Variants in SETBP1 observed in about 807,000 individuals in gnomAD.
The protein encoded by SETBP1 is SET binding protein 1, also known as SET-binding protein.
A neutral mutation model predicts 101.0 loss-of-function variants in SETBP1; 9 were observed. The observed-to-expected ratio is 0.09, with a 90% CI of 0.05 to 0.16. The LOEUF is 0.16. SETBP1 is among the 10% of genes least tolerant of loss of function. The pLI, the probability that SETBP1 is intolerant of heterozygous loss-of-function variation, is 1.00. For missense variants in SETBP1, 1,858 were observed against 2,033.8 expected, an observed-to-expected ratio of 0.91 and a Z score of 1.66; for synonymous variants, 818 against 788.5, an observed-to-expected ratio of 1.04 and a Z score of -0.63.
At chr18:44,720,788 A>G (rs1370340431) in intron 2 of SETBP1, among the ~76,000 whole-genome samples, 2 of 152,132 alleles carry the variant, frequency 1.3e-5, no homozygotes, top group Non-Finnish European at 2.9e-5. Context: ...GGCAGCCTTG[A>G]TCTGCTGGAC....
At chr18:44,819,361 T>C (rs577924701) in intron 2 of SETBP1, among the ~76,000 whole-genome samples, 20 of 152,314 alleles carry the variant, frequency 1.3e-4, no homozygotes, top group South Asian at 1.2e-3. Flanking sequence ...TATAATTCTA[T>C]CCTTTTCATC....
intron 3 of SETBP1, among the ~76,000 whole-genome samples, chr18:44,928,874 G>A (rs2070761597): frequency 6.6e-6 from 1 of 152,208 alleles, no homozygotes; most frequent in Non-Finnish European, 1.5e-5. Flanking sequence ...CTCCCATTCT[G>A]TAGGTTGCCT....
chr18:44,840,350 G>A (rs887617216), intron 2 of SETBP1, among the ~76,000 whole-genome samples: 1 of 152,192 alleles, frequency 6.6e-6, no homozygotes, highest in Non-Finnish European at 1.5e-5. Flanking sequence ...CAGTGACATG[G>A]CGCTACCTCT....
rs11323504 is a variant in SETBP1, at chr18:44,712,953, C to CT, written c.486+11144dup. ...TGAGCATTTCTCTTTCAGCATCCCT[C>CT]TTTTTTTTTTTTTTTTTTTTTTTGA... On this transcript the variant is annotated intron_variant, in intron 2 of 5. Transcript: ENST00000649279. Among the ~76,000 whole-genome samples, 372 of 64,844 alleles carry CT rather than the reference C, an allele frequency of 5.7e-3. 6 individuals carry two copies. The highest frequency in any genetic ancestry group is 9.1e-3 in the Middle Eastern group (1 of 110). 42.5% of individuals were successfully genotyped at this position (64,844 alleles called of 152,430 possible). A position where few individuals can be genotyped will look rare whatever the true frequency, so the allele number is the denominator to read the frequency against.
At chr18:44,777,507 C>A (rs890177981) in intron 2 of SETBP1, among the ~76,000 whole-genome samples, 1 of 152,130 alleles carries the variant, frequency 6.6e-6, no homozygotes, top group Non-Finnish European at 1.5e-5. Flanking sequence ...GGCACCATTC[C>A]GCGTATGTCC....
intron 2 of SETBP1, among the ~76,000 whole-genome samples, chr18:44,794,147 C>T (rs1215874312): frequency 6.6e-6 from 1 of 152,106 alleles, no homozygotes; most frequent in Non-Finnish European, 1.5e-5. Flanking sequence ...GGAATGGGGA[C>T]ACCAGCAGCA....
intron 4 of SETBP1, among the ~76,000 whole-genome samples, chr18:44,982,790 T>A (rs1599408056): frequency 6.6e-6 from 1 of 152,190 alleles, no homozygotes; most frequent in Non-Finnish European, 1.5e-5. Context: ...TGGAAGTGAG[T>A]ATGACATCAT....
At chr18:45,047,921 A>G (rs1053423986) in intron 5 of SETBP1, among the ~76,000 whole-genome samples, 4 of 152,220 alleles carry the variant, frequency 2.6e-5, no homozygotes, top group African/African-American at 9.6e-5. Flanking sequence ...CACTGGAGTC[A>G]TCCCAACATA....
chr18:44,756,918 G>T (rs1276338088), intron 2 of SETBP1, among the ~76,000 whole-genome samples: 1 of 152,136 alleles, frequency 6.6e-6, no homozygotes. Flanking sequence ...GAACAGTTTT[G>T]TGGATTTCTT....
At position 45,015,941 on chromosome 18, in the gene SETBP1, G is replaced by A. The variant is rs532337567; in HGVS notation, c.4001-22544G>A. 2.6e-5 allele frequency among the ~76,000 whole-genome samples: 4 copies of A among 152,312 alleles called. No homozygotes were observed. The East Asian group carries it at 5.8e-4, about 22-fold the overall frequency. On this transcript the variant is annotated intron_variant, in intron 4 of 5. Coordinates refer to ENST00000649279, the MANE Select transcript of SETBP1 (RefSeq NM_015559.3). ...TATTCAGTCCTCATAATTACCATAT[G>A]AGAAGAAGTATTACCATTTTACACT...
intron 3 of SETBP1, among the ~76,000 whole-genome samples, chr18:44,889,197 A>G (rs1277408899): frequency 6.6e-6 from 1 of 152,116 alleles, no homozygotes; most frequent in African/African-American, 2.4e-5. Flanking sequence ...TGATTCCTTC[A>G]TTAATCTCCA....
In SETBP1 at chr18:44,951,637, A is replaced by G. The variant is rs749061622; in HGVS notation, c.2297A>G (p.Gln766Arg). 1.2e-6 allele frequency: 2 copies of G among 1,614,182 alleles called. No individual in the cohort carries two copies. Among genetic ancestry groups the G allele is most frequent in the East Asian group, 4.5e-5 (2 of 44,872 alleles). ...PDVPAVPSNF[Q>R]SLVASSPAAM... The stretch of plus-strand genomic sequence containing the variant: ...GTTCCAGCCGTGCCTTCCAACTTTC[A>G]GTCACTTGTGGCGTCTTCACCAGCA... Residue 766 changes from glutamine to arginine, a missense_variant, in exon 4 of 6, where the codon CAG (glutamine) becomes CGG (arginine). Around this residue, in one of 12 missense-constraint regions of SETBP1, gnomAD observed 121 missense variants for 138.0 expected, o/e 0.88. Coordinates refer to ENST00000649279, the MANE Select transcript of SETBP1 (RefSeq NM_015559.3). This position sits in a 1 kb window ranked among gnomAD's most constrained non-coding sequence, Gnocchi z 7.8.
Position 44,949,895 on chromosome 18 carries a change from C to A in SETBP1, c.555C>A (p.Pro185=), listed in dbSNP as rs2071295023. 6.2e-7 allele frequency: 1 copy of A among 1,613,410 alleles called. No homozygotes were observed. Among genetic ancestry groups the A allele is most frequent in the African/African-American group, 1.3e-5 (1 of 74,908 alleles). The stretch of plus-strand genomic sequence containing the variant: ...CCCACCCTTAGGCTTACGAGAGGCC[C>A]CAGAAACATTCAACTCTCCATTATG... ...KGFQPQAYER[P]QKHSTLHYDT... is the part of the protein sequence containing the mutation. The change falls in exon 4 of 6, where the codon CCC becomes CCA. Residue 185 remains proline (P), a synonymous_variant. Transcript: ENST00000649279.
chr18:45,038,803 G>T, intron 5 of SETBP1, 148 bp downstream of exon 5: 1 of 773,826 alleles, frequency 1.3e-6, no homozygotes, highest in Non-Finnish European at 2.1e-6. Context: ...TTCAGCACTG[G>T]CTCTTTGAAG....
intron 4 of SETBP1, among the ~76,000 whole-genome samples, chr18:45,030,860 C>A (rs2073282165): frequency 6.6e-6 from 1 of 151,900 alleles, no homozygotes; most frequent in South Asian, 2.1e-4. Context: ...TGGTGATATC[C>A]CCTTTATCAT....
intron 3 of SETBP1, among the ~76,000 whole-genome samples, chr18:44,906,881 C>T (rs1039168351): frequency 6.6e-6 from 1 of 152,048 alleles, no homozygotes; most frequent in African/African-American, 2.4e-5. Context: ...TGACTACATG[C>T]CATAATATTC....
chr18:44,893,222 T>A (rs2069813181), intron 3 of SETBP1, among the ~76,000 whole-genome samples: 1 of 152,160 alleles, frequency 6.6e-6, no homozygotes, highest in South Asian at 2.1e-4. Flanking sequence ...ACAGATCCTG[T>A]CACCTCAATT....
chr18:44,800,038 TC>T (rs1426620386), intron 2 of SETBP1, among the ~76,000 whole-genome samples: 1 of 152,066 alleles, frequency 6.6e-6, no homozygotes, highest in Non-Finnish European at 1.5e-5. Context: ...GACAAATCAT[TC>T]CCTACCAGAG....
In SETBP1 at chr18:45,038,550, C is replaced by T; in HGVS notation, c.4066C>T (p.Pro1356Ser). Residue 1356 changes from proline to serine, a missense_variant, in exon 5 of 6, where the codon CCC (proline) becomes TCC (serine). Physicochemically the swap from Pro to Ser is moderately conservative, Grantham distance 74 (BLOSUM62 -1). This residue lies in a region of SETBP1 where 417 missense variants were observed against 389.1 expected (regional missense o/e 1.07). Transcript: ENST00000649279. Reference protein sequence around the residue: ...AVHSKNEGSVPTMMTRKKPAA... With the variant: ...AVHSKNEGSVSTMMTRKKPAA... ...GCATAGTAAGAACGAAGGCTCAGTG[C>T]CCACCATGATGACCAGGAAGAAGCC... is the stretch of plus-strand genomic sequence containing the variant. 1 of 1,614,110 alleles carries T rather than the reference C, an allele frequency of 6.2e-7. No individual in the cohort carries two copies. The highest frequency in any genetic ancestry group is 8.5e-7 in the Non-Finnish European group (1 of 1,179,968).
Sources: allele counts gnomAD v4.1 joint callset (sites outside exome capture counted in the v4.1 genomes callset), GRCh38; gene constraint gnomAD v4.1.1; regional missense constraint gnomAD v4.1.1; non-coding constraint Gnocchi (gnomAD v3.1); transcripts MANE v1.5; gene names NCBI Gene and HGNC (gene_info 2026-07-23, HGNC 2026-07-21).